TMEM154: variants seen among roughly 807,000 people sequenced by gnomAD.
TMEM154 encodes the protein transmembrane protein 154.
In TMEM154, 27 loss-of-function variants were observed where a neutral mutation model predicts 24.5. The observed-to-expected ratio is 1.10, with a 90% CI of 0.81 to 1.52. The LOEUF (loss-of-function observed/expected upper bound fraction) is 1.52. Among genes scored for constraint, TMEM154 ranks in the 40% most tolerant of loss-of-function variants. The probability of loss-of-function intolerance (pLI) is 0.00; values close to 1 mark genes in which losing one functional copy is unlikely to be tolerated. For synonymous variants in TMEM154, 67 were observed against 76.8 expected (o/e 0.87, Z 0.67); for missense variants, 228 against 213.4 (o/e 1.07, Z -0.43).
At chr4:152,659,481 A>G (rs1728554377) in intron 1 of TMEM154, among the ~76,000 whole-genome samples, 1 of 152,316 alleles carries the variant, frequency 6.6e-6, no homozygotes, top group East Asian at 1.9e-4. Flanking sequence ...TAACAATAAT[A>G]TATTTTATAT....
rs1302966671 is a variant in TMEM154, at chr4:152,679,951, GA to G, written c.-19del. 6.2e-7 allele frequency: 1 copy of G among 1,602,954 alleles called. No individual in the cohort carries two copies. Among genetic ancestry groups the G allele is most frequent in the Non-Finnish European group, 8.5e-7 (1 of 1,175,452 alleles). On this transcript the variant is annotated 5_prime_UTR_variant, in exon 1 of 7. Coordinates refer to ENST00000304385, the MANE Select transcript of TMEM154 (RefSeq NM_152680.3). ...GCCTGCATGTCCGCTCGCCTCGGCA[GA>G]GGCGCGCTCAGGATGCTGCGCCGGG...
rs1187814663 is a variant in TMEM154 at position 152,627,381 on chromosome 4, T to C, written c.*1165A>G. 1 of 152,254 alleles carries C rather than the reference T, an allele frequency of 6.6e-6. No individual in the cohort carries two copies. The highest frequency in any genetic ancestry group is 2.4e-5 in the African/African-American group (1 of 41,470). 9.4% of individuals were successfully genotyped at this position (152,254 alleles called of 1,614,324 possible). ...CCAAGGAGAGCTGAGGATTCTCAAT[T>C]TGCTAGATTGCTTTAAAGGGGTCAG... is the stretch of plus-strand genomic sequence containing the variant. On this transcript the variant is annotated 3_prime_UTR_variant, in exon 7 of 7. Transcript: ENST00000304385.
Position 152,643,135 on chromosome 4 carries a change from A to G in TMEM154, c.431T>C (p.Ile144Thr). ...FEEDTPSVMEIEMEELDKWMN... is the reference protein window; with the variant it reads ...FEEDTPSVMETEMEELDKWMN... The stretch of plus-strand genomic sequence containing the variant: ...CCATTTATCAAGCTCTTCCATTTCA[A>G]TTTCCATAACAGAGGGTGTATCTTC... Residue 144 changes from isoleucine (I) to threonine (T), a missense_variant, in exon 5 of 7, where the codon ATT becomes ACT. Physicochemically the swap from Ile to Thr is moderately conservative, Grantham distance 89 (BLOSUM62 -1). Transcript: ENST00000304385. 6.2e-7 allele frequency: 1 copy of G among 1,613,452 alleles called. No homozygotes were observed.
chr4:152,636,098 G>C (rs757529760), intron 6 of TMEM154, among the ~76,000 whole-genome samples: 8 of 152,186 alleles, frequency 5.3e-5, no homozygotes, highest in Non-Finnish European at 8.8e-5. Context: ...TGATAAAAGG[G>C]ACTTTTTCTT....
At chr4:152,641,903 C>CTT (rs780465309) in intron 5 of TMEM154, among the ~76,000 whole-genome samples, 1,362 of 41,410 alleles carry the variant, frequency 0.033, 494 homozygotes, top group African/African-American at 0.038. Context: ...AGCAATAATT[C>CTT]TTTTTTTTTT....
At chr4:152,647,525 T>C (rs1157102394) in intron 3 of TMEM154, among the ~76,000 whole-genome samples, 1 of 152,242 alleles carries the variant, frequency 6.6e-6, no homozygotes, top group African/African-American at 2.4e-5. Context: ...TTTGAAATGC[T>C]AAGTTTTCTC....
rs148190008 is a variant in TMEM154 at position 152,636,881 on chromosome 4, C to T, written c.536+4047G>A. Among the ~76,000 whole-genome samples, 358 of 152,322 alleles carry T rather than the reference C, an allele frequency of 2.4e-3. 1 individual carries two copies. The highest frequency in any genetic ancestry group is 8.4e-3 in the African/African-American group (351 of 41,572). Reference sequence around the variant, plus strand: ...TTATCAGGAGAAAGGAGAAGTGTGTCTTCCACTAAATTCAATTTTTAATGA... The same window carrying T: ...TTATCAGGAGAAAGGAGAAGTGTGTTTTCCACTAAATTCAATTTTTAATGA... On this transcript the variant is annotated intron_variant, in intron 6 of 6. Transcript: ENST00000304385.
chr4:152,654,818 T>C (rs1013264242), intron 1 of TMEM154, among the ~76,000 whole-genome samples: 1 of 152,230 alleles, frequency 6.6e-6, no homozygotes, highest in African/African-American at 2.4e-5. Flanking sequence ...GTTTTAAGTC[T>C]TGCAGTCTGT....
intron 1 of TMEM154, chr4:152,669,298 T>A (rs1373993646): frequency 6.6e-6 from 1 of 152,214 alleles, no homozygotes; most frequent in Non-Finnish European, 1.5e-5. Context: ...ATGTCTATGA[T>A]GTTAGTGATG....
intron 1 of TMEM154, among the ~76,000 whole-genome samples, chr4:152,679,466 A>G (rs1395621483): frequency 1.3e-5 from 2 of 151,982 alleles, no homozygotes; most frequent in Admixed American, 6.5e-5. Context: ...TTTTGGAATC[A>G]GCAGACTTCT....
intron 4 of TMEM154, 138 bp from the exon 5 acceptor site, chr4:152,643,311 TG>T: frequency 1.6e-6 from 1 of 641,332 alleles, no homozygotes; most frequent in Non-Finnish European, 2.7e-6. Context: ...CCTGGGGGCT[TG>T]CCCTATTCCA....
chr4:152,658,939 T>A (rs866824009), intron 1 of TMEM154, among the ~76,000 whole-genome samples: 5 of 152,222 alleles, frequency 3.3e-5, no homozygotes, highest in Non-Finnish European at 7.3e-5. Context: ...ACAGCCACTA[T>A]GGAAAACAGT....
chr4:152,652,248 T>C (rs1403945398), intron 3 of TMEM154, among the ~76,000 whole-genome samples: 1 of 146,202 alleles, frequency 6.8e-6, no homozygotes, highest in African/African-American at 2.5e-5. Context: ...TTTGAGGCAA[T>C]GGTTGCCATA....
At chr4:152,630,326 A>G (rs920314392) in intron 6 of TMEM154, among the ~76,000 whole-genome samples, 1 of 151,764 alleles carries the variant, frequency 6.6e-6, no homozygotes. Flanking sequence ...AAAAAAAAAA[A>G]AAAGACAAAC....
chr4:152,645,861 T>C (rs1464114424), intron 3 of TMEM154, among the ~76,000 whole-genome samples: 6 of 151,706 alleles, frequency 4.0e-5, no homozygotes, highest in African/African-American at 1.5e-4. Flanking sequence ...TATGTCCTCC[T>C]GCCCTCCAGT....
chr4:152,630,025 C>A (rs558787084), intron 6 of TMEM154, among the ~76,000 whole-genome samples: 2 of 152,084 alleles, frequency 1.3e-5, no homozygotes, highest in Admixed American at 1.3e-4. Context: ...AACAAAAGGA[C>A]AAACTAGGGT....
At position 152,643,149 on chromosome 4, in the gene TMEM154, G is replaced by T. The variant is rs376264366; in HGVS notation, c.417C>A (p.Pro139=). 1 of 1,611,924 alleles carries T rather than the reference G, an allele frequency of 6.2e-7. No individual in the cohort carries two copies. The highest frequency in any genetic ancestry group is 8.5e-7 in the Non-Finnish European group (1 of 1,179,354). Residue 139 remains proline, a synonymous_variant, in exon 5 of 7, where the codon CCC becomes CCA. Coordinates refer to ENST00000304385, the MANE Select transcript of TMEM154 (RefSeq NM_152680.3). ...CTTCCATTTCAATTTCCATAACAGA[G>T]GGTGTATCTTCCTCAAAAATAGGGC... The part of the protein sequence containing the change: ...VKVPIFEEDT[P]SVMEIEMEEL...
At chr4:152,651,923 T>C (rs891339733) in intron 3 of TMEM154, among the ~76,000 whole-genome samples, 2 of 152,182 alleles carry the variant, frequency 1.3e-5, no homozygotes, top group Admixed American at 1.3e-4. Context: ...GGGTTATGAA[T>C]TGGCCTAATT....
intron 1 of TMEM154, among the ~76,000 whole-genome samples, chr4:152,672,090 T>TAAAAAAAAA (rs11290618): frequency 9.8e-6 from 1 of 101,958 alleles, no homozygotes; most frequent in Non-Finnish European, 2.1e-5. Context: ...CCTATCTCTA[T>TAAAAAAAAA]AAAAAAAAAA....
Sources: gnomAD v4.1 joint callset for allele counts (sites outside exome capture counted in the v4.1 genomes callset) on GRCh38, gnomAD v4.1.1 for gene constraint, MANE v1.5 for transcripts, NCBI Gene and HGNC (gene_info 2026-07-23, HGNC 2026-07-21) for gene names.